The following UTP18 variants were observed in gnomAD, a reference collection of about 807,000 sequenced individuals.
The protein encoded by UTP18 is U3 small nucleolar RNA-associated protein 18 homolog.
Under a neutral mutation model 61.1 loss-of-function variants are expected in UTP18, and 36 were observed. The ratio of observed to expected loss-of-function variants is 0.59; its 90% CI spans 0.45 to 0.78. UTP18 has a LOEUF of 0.78. UTP18 is among the 30% of genes least tolerant of loss of function. UTP18 has a pLI of 0.00. For synonymous variants in UTP18, 282 were observed against 251.1 expected, an observed-to-expected ratio of 1.12 and a Z score of -1.16; for missense variants, 753 against 693.9, an observed-to-expected ratio of 1.09 and a Z score of -0.96.
intron 11 of UTP18, among the ~76,000 whole-genome samples, chr17:51,292,450 G>A (rs1358782400): frequency 2.0e-5 from 3 of 152,234 alleles, no homozygotes; most frequent in Non-Finnish European, 4.4e-5. Context: ...TGACAAAATG[G>A]TCAGTAAGTA....
intron 1 of UTP18, among the ~76,000 whole-genome samples, chr17:51,261,276 G>A (rs907804464): frequency 2.6e-5 from 4 of 152,212 alleles, no homozygotes; most frequent in African/African-American, 9.6e-5. Context: ...TCAGTTCCTT[G>A]TGATTCAGGA....
chr17:51,273,238 G>A (rs1904588999), intron 4 of UTP18, 124 bp from the exon 5 acceptor site: 2 of 515,618 alleles, frequency 3.9e-6, no homozygotes, highest in East Asian at 3.8e-5. Context: ...TTTAAAAAAA[G>A]CAATTGAGGT....
chr17:51,272,287 C>T (rs1365874011), intron 4 of UTP18, among the ~76,000 whole-genome samples: 1 of 151,880 alleles, frequency 6.6e-6, no homozygotes, highest in Non-Finnish European at 1.5e-5. Context: ...TTAGTAGAGA[C>T]GGGGTTTCTC....
chr17:51,285,606 TGG>T (rs979525429), intron 10 of UTP18, among the ~76,000 whole-genome samples: 9 of 152,244 alleles, frequency 5.9e-5, no homozygotes, highest in Non-Finnish European at 1.3e-4. Flanking sequence ...TAGTTACCTG[TGG>T]TTAATCACAA....
intron 4 of UTP18, among the ~76,000 whole-genome samples, chr17:51,269,510 A>G (rs1483776653): frequency 6.6e-6 from 1 of 151,888 alleles, no homozygotes; most frequent in Non-Finnish European, 1.5e-5. Context: ...GAGAGTCCGG[A>G]GTATATCCTC....
Position 51,280,077 on chromosome 17 carries a change from C to T in UTP18, c.1085C>T (p.Ala362Val), listed in dbSNP as rs200630967. 3 of 1,613,682 alleles carry T rather than the reference C, an allele frequency of 1.9e-6. No homozygotes were observed. The highest frequency in any genetic ancestry group is 1.7e-6 in the Non-Finnish European group (2 of 1,179,806). The change falls in exon 8 of 14, where the codon GCT becomes GTT. Residue 362 changes from alanine (A) to valine (V), a missense_variant. By Grantham distance (64) the Ala-to-Val change is moderately conservative. Transcript: ENST00000225298. The stretch of plus-strand genomic sequence containing the variant: ...TCCTTCTTGCTCATAAATGGCATTG[C>T]TGGATATTTGCATTTGCTAGCAATG... ...DGSFLLINGI[A>V]GYLHLLAMKT...
chr17:51,279,378 A>C (rs972121695), intron 7 of UTP18, among the ~76,000 whole-genome samples: 3 of 152,238 alleles, frequency 2.0e-5, no homozygotes, highest in African/African-American at 7.2e-5. Context: ...GTCCTTTTGT[A>C]AGTAAGTTGA....
At chr17:51,281,633 G>T (rs1337495609) in intron 9 of UTP18, among the ~76,000 whole-genome samples, 1 of 152,126 alleles carries the variant, frequency 6.6e-6, no homozygotes, top group Non-Finnish European at 1.5e-5. Flanking sequence ...AGGGGTCCTT[G>T]TGGTGATGGG....
intron 11 of UTP18, among the ~76,000 whole-genome samples, chr17:51,290,040 C>T (rs1905204915): frequency 6.6e-6 from 1 of 152,174 alleles, no homozygotes; most frequent in African/African-American, 2.4e-5. Flanking sequence ...GGAGGCTAAG[C>T]TCCTTAACTT....
chr17:51,262,023 G>A (rs757323982), intron 1 of UTP18, among the ~76,000 whole-genome samples: 10 of 152,172 alleles, frequency 6.6e-5, no homozygotes, highest in Non-Finnish European at 1.2e-4. Flanking sequence ...AAACCACTTG[G>A]ACATTTCTAT....
At chr17:51,290,342 G>A (rs960061455) in intron 11 of UTP18, among the ~76,000 whole-genome samples, 3 of 152,164 alleles carry the variant, frequency 2.0e-5, no homozygotes, top group Non-Finnish European at 4.4e-5. Context: ...CTTGAGCCTG[G>A]AAGGTGGAGG....
At chr17:51,268,007 G>GTTTTTTTTTTTTTTTTTTTTT (rs766635231) in intron 3 of UTP18, among the ~76,000 whole-genome samples, 10 of 130,606 alleles carry the variant, frequency 7.7e-5, no homozygotes, top group African/African-American at 9.1e-5. Flanking sequence ...TTTGTTTTTT[G>GTTTTTTTTTTTTTTTTTTTTT]TTTTTTGTTT....
chr17:51,274,125 G>C (rs1904633872), intron 5 of UTP18, among the ~76,000 whole-genome samples: 1 of 152,056 alleles, frequency 6.6e-6, no homozygotes, highest in Non-Finnish European at 1.5e-5. Context: ...TCTGTTTCTT[G>C]GACATGCTGC....
chr17:51,294,231 G>A (rs546657380), intron 12 of UTP18, among the ~76,000 whole-genome samples, 186 bp downstream of exon 12: 1 of 151,452 alleles, frequency 6.6e-6, no homozygotes, highest in South Asian at 2.1e-4. Flanking sequence ...TAAGTTTTAG[G>A]GTACATGTGT....
Position 51,288,094 on chromosome 17 carries a change from C to G in UTP18, c.1394C>G (p.Pro465Arg), listed in dbSNP as rs2144439373. ...DSCLQETNPK[P>R]IKAIMNLVTG... is the part of the protein sequence containing the mutation. ...TGTCTCCAAGAAACAAACCCAAAGC[C>G]AATAAAAGCTATAATGAACTTGGTT... Residue 465 changes from proline to arginine, a missense_variant, in exon 11 of 14, where the codon CCA becomes CGA. Coordinates refer to ENST00000225298, the MANE Select transcript of UTP18 (RefSeq NM_016001.3). The G allele has an allele frequency of 6.2e-7, 1 of 1,610,176 alleles. No homozygotes were observed. The highest frequency in any genetic ancestry group is 1.7e-4 in the Middle Eastern group (1 of 5,982).
At chr17:51,264,555 A>G (rs1280165203) in intron 2 of UTP18, among the ~76,000 whole-genome samples, 1 of 151,896 alleles carries the variant, frequency 6.6e-6, no homozygotes, top group Non-Finnish European at 1.5e-5. Flanking sequence ...TCCCATTGAA[A>G]GGTGTCAGTT....
At chr17:51,273,293 AGTTT>A in intron 4 of UTP18, 65 bp from the exon 5 acceptor site, 1 of 1,146,980 alleles carries the variant, frequency 8.7e-7, no homozygotes. Context: ...TATTCATAGA[AGTTT>A]GGGGTAGGTA....
At chr17:51,289,266 G>A (rs543197274) in intron 11 of UTP18, among the ~76,000 whole-genome samples, 4 of 149,344 alleles carry the variant, frequency 2.7e-5, no homozygotes, top group South Asian at 2.1e-4. Flanking sequence ...GTGTGATCTC[G>A]GCTCACTGCA....
Position 51,288,101 on chromosome 17 carries a change from A to T in UTP18, c.1401A>T (p.Lys467Asn). 9 of 1,610,976 alleles carry T rather than the reference A, an allele frequency of 5.6e-6. No homozygotes were observed. Among genetic ancestry groups the T allele is most frequent in the Non-Finnish European group, 7.6e-6 (9 of 1,179,242 alleles). The change falls in exon 11 of 14, where the codon AAA becomes AAT. Residue 467 changes from lysine to asparagine, a missense_variant. By Grantham distance (94) the Lys-to-Asn change is moderately conservative. Coordinates refer to ENST00000225298, the MANE Select transcript of UTP18 (RefSeq NM_016001.3). ...AAGAAACAAACCCAAAGCCAATAAA[A>T]GCTATAATGAACTTGGTTACAGGTG... ...CLQETNPKPIKAIMNLVTGVT... is the reference protein window; with the variant it reads ...CLQETNPKPINAIMNLVTGVT...
Sources: gnomAD v4.1 joint callset for allele counts (sites outside exome capture counted in the v4.1 genomes callset) on GRCh38, gnomAD v4.1.1 for gene constraint, MANE v1.5 for transcripts, NCBI Gene and HGNC (gene_info 2026-07-23, HGNC 2026-07-21) for gene names.